Variants in MTUS2 observed in about 807,000 individuals in gnomAD.
MTUS2 encodes the protein microtubule associated scaffold protein 2.
MTUS2 carries 40 observed loss-of-function variants against 114.1 expected under a neutral mutation model. The ratio of observed to expected loss-of-function variants is 0.35; its 90% CI spans 0.27 to 0.46. The LOEUF (loss-of-function observed/expected upper bound fraction) is 0.46. Ranked by LOEUF, MTUS2 falls within the 20% of genes least tolerant of loss-of-function variation. MTUS2 has a pLI of 1.00. For synonymous variants in MTUS2, 688 were observed against 672.0 expected, an observed-to-expected ratio of 1.02 and a Z score of -0.37; for missense variants, 1,679 against 1,705.4, an observed-to-expected ratio of 0.98 and a Z score of 0.27.
chr13:29,414,455 TA>T (rs553524182), intron 8 of MTUS2, among the ~76,000 whole-genome samples: 20,600 of 71,284 alleles, frequency 0.29, 2,007 homozygotes, highest in Middle Eastern at 0.38. Flanking sequence ...TAGAGTATAA[TA>T]AAAAAAAAAA....
Position 28,934,443 on chromosome 13 carries a change from G to A in MTUS2, c.-242-90014G>A, listed in dbSNP as rs545261972. On this transcript the variant is annotated intron_variant, in intron 2 of 15. Transcript: ENST00000612955. Reference sequence around the variant, plus strand: ...AGGCCATCTCTGTGGTGAATATGCTGTGTGATTTACTTTATTTTTATTTTT... The same window carrying A: ...AGGCCATCTCTGTGGTGAATATGCTATGTGATTTACTTTATTTTTATTTTT... Among the ~76,000 whole-genome samples the A allele has an allele frequency of 8.6e-5, 13 of 151,930 alleles. 1 individual carries two copies. Among genetic ancestry groups the A allele is most frequent in the African/African-American group, 4.8e-5 (2 of 41,484 alleles).
chr13:29,180,410 A>C (rs1893948525), intron 5 of MTUS2, among the ~76,000 whole-genome samples: 1 of 152,248 alleles, frequency 6.6e-6, no homozygotes, highest in African/African-American at 2.4e-5. Context: ...AGTAGAATGT[A>C]GGGCAAAGAT....
At chr13:29,155,497 T>C (rs976148848) in intron 5 of MTUS2, among the ~76,000 whole-genome samples, 2 of 152,182 alleles carry the variant, frequency 1.3e-5, no homozygotes, top group African/African-American at 4.8e-5. Context: ...ACAGAAGCCA[T>C]GCCCTCATGG....
At chr13:29,029,416 C>T (rs182920949) in intron 3 of MTUS2, among the ~76,000 whole-genome samples, 23 of 152,142 alleles carry the variant, frequency 1.5e-4, no homozygotes, top group South Asian at 4.1e-4. Context: ...TGGATTTTTA[C>T]GTCAGTCTCT....
chr13:29,491,814 G>T (rs957731369), intron 11 of MTUS2, among the ~76,000 whole-genome samples: 3 of 107,022 alleles, frequency 2.8e-5, no homozygotes, highest in African/African-American at 3.1e-5. Flanking sequence ...GATGTGTGTG[G>T]GGTAGGTGTG....
At chr13:28,832,712 C>T (rs1387696092) in intron 1 of MTUS2, among the ~76,000 whole-genome samples, 2 of 146,904 alleles carry the variant, frequency 1.4e-5, no homozygotes, top group Non-Finnish European at 3.0e-5. Flanking sequence ...AAAATAAGTA[C>T]ACAATGTAAA....
chr13:29,042,316 G>A (rs375252364), intron 4 of MTUS2, among the ~76,000 whole-genome samples: 31 of 151,948 alleles, frequency 2.0e-4, no homozygotes, highest in Non-Finnish European at 3.2e-4. Flanking sequence ...ACTATGAAAC[G>A]CACTTGATCA....
At chr13:29,045,450 G>C (rs1375713618) in intron 4 of MTUS2, among the ~76,000 whole-genome samples, 1 of 152,186 alleles carries the variant, frequency 6.6e-6, no homozygotes, top group Admixed American at 6.5e-5. Flanking sequence ...CCCACTTACA[G>C]ATGTCATCCC....
At chr13:29,353,604 A>G (rs1869483219) in intron 7 of MTUS2, among the ~76,000 whole-genome samples, 1 of 152,100 alleles carries the variant, frequency 6.6e-6, no homozygotes, top group Non-Finnish European at 1.5e-5. Flanking sequence ...TCTAGCCCCC[A>G]TAGTATTCTT....
At chr13:29,033,756 G>C (rs529648191) in intron 3 of MTUS2, 129 bp from the exon 4 acceptor site, 6 of 1,099,432 alleles carry the variant, frequency 5.5e-6, no homozygotes, top group Middle Eastern at 2.5e-4. Flanking sequence ...GGGGAAGGTA[G>C]GGGACTTGTG....
intron 6 of MTUS2, among the ~76,000 whole-genome samples, chr13:29,322,404 T>G (rs1389979669): frequency 1.3e-5 from 2 of 152,106 alleles, no homozygotes; most frequent in East Asian, 1.9e-4. Flanking sequence ...GGCTGGGCTT[T>G]CCATACCTGG....
At chr13:29,328,003 A>G (rs897300142) in intron 7 of MTUS2, among the ~76,000 whole-genome samples, 3 of 152,168 alleles carry the variant, frequency 2.0e-5, no homozygotes, top group Non-Finnish European at 2.9e-5. Context: ...AATGTTGACT[A>G]TCTTTCTATG....
chr13:29,242,162 G>T (rs961429602), intron 5 of MTUS2, among the ~76,000 whole-genome samples: 1 of 152,056 alleles, frequency 6.6e-6, no homozygotes, highest in Non-Finnish European at 1.5e-5. Context: ...TCAATTTACT[G>T]AGTGGTTCAA....
intron 4 of MTUS2, among the ~76,000 whole-genome samples, chr13:29,066,040 A>C (rs1200178485): frequency 6.6e-6 from 1 of 151,734 alleles, no homozygotes; most frequent in Non-Finnish European, 1.5e-5. Context: ...TCAGTTCTTC[A>C]GGCATGCCAC....
chr13:29,213,269 C>G (rs1895530263), intron 5 of MTUS2, among the ~76,000 whole-genome samples: 1 of 152,202 alleles, frequency 6.6e-6, no homozygotes, highest in Admixed American at 6.5e-5. Context: ...ACAACAAAGT[C>G]TGTCTTGGTA....
At chr13:29,267,427 T>C (rs1897707821) in intron 5 of MTUS2, among the ~76,000 whole-genome samples, 1 of 152,202 alleles carries the variant, frequency 6.6e-6, no homozygotes, top group Non-Finnish European at 1.5e-5. Flanking sequence ...GGTGATTTTG[T>C]CTGGACTTGT....
intron 7 of MTUS2, among the ~76,000 whole-genome samples, chr13:29,331,817 CA>C (rs1409613185): frequency 6.6e-6 from 1 of 152,088 alleles, no homozygotes; most frequent in Non-Finnish European, 1.5e-5. Flanking sequence ...TTGAGATAAT[CA>C]TGTGGTTTTT....
chr13:29,112,841 G>A (rs576594332), intron 5 of MTUS2, among the ~76,000 whole-genome samples: 1 of 152,080 alleles, frequency 6.6e-6, no homozygotes, highest in Admixed American at 6.5e-5. Flanking sequence ...GTCATATCAG[G>A]TCGCCTCATT....
intron 6 of MTUS2, among the ~76,000 whole-genome samples, chr13:29,321,017 C>G (rs1900231098): frequency 6.6e-6 from 1 of 152,188 alleles, no homozygotes; most frequent in African/African-American, 2.4e-5. Flanking sequence ...AGTTAACCAG[C>G]TCCATTTGGG....
Sources: allele counts gnomAD v4.1 joint callset (sites outside exome capture counted in the v4.1 genomes callset), GRCh38; gene constraint gnomAD v4.1.1; transcripts MANE v1.5; gene names NCBI Gene and HGNC (gene_info 2026-07-23, HGNC 2026-07-21).